GPC5: variants seen among roughly 807,000 people sequenced by gnomAD.
The protein encoded by GPC5 is glypican-5.
Under a neutral mutation model 53.9 loss-of-function variants are expected in GPC5, and 47 were observed. That is an observed-to-expected ratio of 0.87 (90% CI 0.69 to 1.11). The LOEUF is 1.11. Ranked by LOEUF, GPC5 falls within the 50% of genes most tolerant of loss-of-function variation. The pLI is 0.00. For missense variants in GPC5, 748 were observed against 713.1 expected, an observed-to-expected ratio of 1.05 and a Z score of -0.56; for synonymous variants, 286 against 263.3, an observed-to-expected ratio of 1.09 and a Z score of -0.84.
intron 6 of GPC5, among the ~76,000 whole-genome samples, chr13:92,028,206 G>A (rs2040815299): frequency 6.6e-6 from 1 of 151,954 alleles, no homozygotes; most frequent in African/African-American, 2.4e-5. Flanking sequence ...ACGGGAGGGG[G>A]AATCTTGCAA....
chr13:92,079,091 G>A (rs941950884), intron 6 of GPC5, among the ~76,000 whole-genome samples: 1 of 151,704 alleles, frequency 6.6e-6, no homozygotes, highest in Admixed American at 6.6e-5. Context: ...CACTCTTGTT[G>A]CCCAGGCTGG....
intron 3 of GPC5, among the ~76,000 whole-genome samples, chr13:91,718,376 C>T (rs1349023365): frequency 6.6e-6 from 1 of 152,014 alleles, no homozygotes; most frequent in Non-Finnish European, 1.5e-5. Context: ...TCCCAAAGTG[C>T]TGGGATTACA....
At chr13:92,009,253 CGTGT>C (rs3059952) in intron 6 of GPC5, among the ~76,000 whole-genome samples, 5,533 of 139,816 alleles carry the variant, frequency 0.04, 137 homozygotes, top group Middle Eastern at 0.059. Flanking sequence ...GCTGGATTTT[CGTGT>C]GTGTGTGTGT....
At chr13:92,481,380 C>T (rs757034674) in intron 7 of GPC5, among the ~76,000 whole-genome samples, 9 of 152,092 alleles carry the variant, frequency 5.9e-5, no homozygotes, top group Non-Finnish European at 1.0e-4. Context: ...GGATTGCAGG[C>T]ATGACCCACC....
At chr13:92,079,028 C>T (rs2041274273) in intron 6 of GPC5, among the ~76,000 whole-genome samples, 1 of 151,972 alleles carries the variant, frequency 6.6e-6, no homozygotes, top group Admixed American at 6.6e-5. Context: ...CCACTTCTTT[C>T]TCAGGATGTT....
At chr13:91,929,030 A>G (rs1301952933) in intron 6 of GPC5, among the ~76,000 whole-genome samples, 1 of 152,142 alleles carries the variant, frequency 6.6e-6, no homozygotes, top group African/African-American at 2.4e-5. Flanking sequence ...AGTGAAGTCC[A>G]GAGTAGGTTT....
chr13:91,839,749 G>A (rs903775555), intron 5 of GPC5, among the ~76,000 whole-genome samples: 35 of 152,066 alleles, frequency 2.3e-4, no homozygotes, highest in African/African-American at 6.5e-4. Flanking sequence ...GTGAGAAGAT[G>A]TAATCATTTC....
At chr13:92,710,438 C>A (rs569557019) in intron 7 of GPC5, among the ~76,000 whole-genome samples, 1 of 152,054 alleles carries the variant, frequency 6.6e-6, no homozygotes, top group South Asian at 2.1e-4. Context: ...ATCAGAATTG[C>A]AAAAAATCTG....
chr13:91,909,097 G>C (rs773836679), intron 6 of GPC5, among the ~76,000 whole-genome samples: 1 of 152,152 alleles, frequency 6.6e-6, no homozygotes, highest in Non-Finnish European at 1.5e-5. Context: ...TCTCCCTTCT[G>C]CGAGGCAACA....
chr13:91,677,881 C>A (rs987765757), intron 2 of GPC5, among the ~76,000 whole-genome samples: 7 of 152,030 alleles, frequency 4.6e-5, no homozygotes, highest in Admixed American at 4.6e-4. Flanking sequence ...ATTGTTACAC[C>A]CTATTCTTTC....
intron 4 of GPC5, among the ~76,000 whole-genome samples, chr13:91,734,066 T>TTA (rs2036762003): frequency 6.6e-5 from 10 of 151,842 alleles, no homozygotes; most frequent in African/African-American, 2.2e-4. Context: ...GAAGGCCTTT[T>TTA]CTGCATCTGT....
At chr13:92,013,004 A>AC (rs1353369173) in intron 6 of GPC5, among the ~76,000 whole-genome samples, 1 of 152,124 alleles carries the variant, frequency 6.6e-6, no homozygotes, top group East Asian at 1.9e-4. Context: ...GGGGCCTGTG[A>AC]CCCCGAAGCC....
chr13:91,886,036 G>A (rs2039318111), intron 5 of GPC5, among the ~76,000 whole-genome samples: 1 of 152,020 alleles, frequency 6.6e-6, no homozygotes, highest in African/African-American at 2.4e-5. Context: ...CCAAACCAGG[G>A]TTTGAGATTG....
chr13:92,250,321 T>A (rs1027285552), intron 7 of GPC5, among the ~76,000 whole-genome samples: 1 of 152,182 alleles, frequency 6.6e-6, no homozygotes, highest in African/African-American at 2.4e-5. Flanking sequence ...CACATGCCCA[T>A]TTTAATATTA....
intron 2 of GPC5, among the ~76,000 whole-genome samples, chr13:91,616,316 T>A (rs893097852): frequency 6.6e-6 from 1 of 151,932 alleles, no homozygotes; most frequent in African/African-American, 2.4e-5. Context: ...ACTAAACAAA[T>A]CAAGACTTGG....
intron 2 of GPC5, among the ~76,000 whole-genome samples, chr13:91,516,703 A>G (rs1246863593): frequency 6.6e-6 from 1 of 152,124 alleles, no homozygotes; most frequent in African/African-American, 2.4e-5. Flanking sequence ...CTGACCCCAC[A>G]TTTCCCTTCT....
chr13:92,091,389 A>C (rs1283628884), intron 6 of GPC5, among the ~76,000 whole-genome samples: 3 of 152,130 alleles, frequency 2.0e-5, no homozygotes, highest in African/African-American at 7.2e-5. Flanking sequence ...ATACATCCAT[A>C]TATACACACA....
rs1491122285 is a variant in GPC5 at position 92,385,518 on chromosome 13, A to ATATG, written c.1561+240529_1561+240530insTATG. On this transcript the variant is annotated intron_variant, in intron 7 of 7. Transcript: ENST00000377067. Reference sequence around the variant, plus strand: ...TATACATACATATACATATATACATACATATGCATATATACATATATGCAT... The same window carrying ATATG: ...TATACATACATATACATATATACATATATGCATATGCATATATACATATATGCAT... Among the ~76,000 whole-genome samples, 161 of 50,668 alleles carry ATATG rather than the reference A, an allele frequency of 3.2e-3. 3 individuals carry two copies. Among genetic ancestry groups the ATATG allele is most frequent in the East Asian group, 0.014 (19 of 1,396 alleles). The allele number at this position is 50,668 out of a possible 152,430, so 33.2% of individuals were successfully genotyped here.
chr13:92,550,999 A>G (rs1451098697), intron 7 of GPC5, among the ~76,000 whole-genome samples: 1 of 151,962 alleles, frequency 6.6e-6, no homozygotes, highest in African/African-American at 2.4e-5. Context: ...AACATAATCA[A>G]ATAGAGCTTT....
Sources: gnomAD v4.1 joint callset for allele counts (sites outside exome capture counted in the v4.1 genomes callset) on GRCh38, gnomAD v4.1.1 for gene constraint, MANE v1.5 for transcripts, NCBI Gene and HGNC (gene_info 2026-07-23, HGNC 2026-07-21) for gene names.